The following CCDC14 variants were observed in gnomAD, a reference collection of about 807,000 sequenced individuals.
CCDC14 encodes the protein coiled-coil domain-containing protein 14.
A neutral mutation model predicts 81.4 loss-of-function variants in CCDC14; 71 were observed. That is an observed-to-expected ratio of 0.87 (90% CI 0.72 to 1.06). The LOEUF (loss-of-function observed/expected upper bound fraction) is 1.06, where lower values mean the gene tolerates loss of function less well. CCDC14 is among the 50% of genes least tolerant of loss of function. CCDC14 has a pLI of 0.00. For synonymous variants in CCDC14, 332 were observed against 364.8 expected, an observed-to-expected ratio of 0.91 and a Z score of 1.03; for missense variants, 1,046 against 1,047.3, an observed-to-expected ratio of 1.00 and a Z score of 0.02.
chr3:123,950,128 C>T (rs2036920538), intron 5 of CCDC14, among the ~76,000 whole-genome samples: 1 of 152,152 alleles, frequency 6.6e-6, no homozygotes, highest in East Asian at 1.9e-4. Context: ...GTCCCCTTCC[C>T]AAAGGTTTTT....
chr3:123,888,605 G>C, the CCDC14 span, among the ~76,000 whole-genome samples: 373 of 152,316 alleles, frequency 2.4e-3, 3 homozygotes, highest in African/African-American at 8.4e-3. Flanking sequence ...TTAACAGGAA[G>C]GATGACTAGG....
intron 12 of CCDC14, among the ~76,000 whole-genome samples, chr3:123,917,451 C>G (rs1391603731): frequency 6.6e-6 from 1 of 150,956 alleles, no homozygotes; most frequent in South Asian, 2.1e-4. Flanking sequence ...GCCAAGATCA[C>G]TCCACCGCAC....
intron 9 of CCDC14, among the ~76,000 whole-genome samples, chr3:123,934,324 T>C (rs979843471): frequency 7.3e-5 from 11 of 151,340 alleles, no homozygotes; most frequent in Non-Finnish European, 1.3e-4. Context: ...TAATTTCTCT[T>C]TTTTGTCTCT....
downstream of CCDC14, among the ~76,000 whole-genome samples, chr3:123,893,333 T>C (rs2034015682): frequency 6.6e-6 from 1 of 152,210 alleles, no homozygotes; most frequent in Admixed American, 6.5e-5. Context: ...TCATATAATA[T>C]TTATCCTTTT....
chr3:123,892,218 AC>A, the CCDC14 span, among the ~76,000 whole-genome samples: 1 of 152,084 alleles, frequency 6.6e-6, no homozygotes. Flanking sequence ...CAAAAACTCA[AC>A]TCTTGCCTTC....
At chr3:123,923,239 G>A (rs2035158289) in intron 12 of CCDC14, among the ~76,000 whole-genome samples, 1 of 151,868 alleles carries the variant, frequency 6.6e-6, no homozygotes, top group Admixed American at 6.6e-5. Flanking sequence ...ACTCTTTCAT[G>A]AAAAAACTCT....
Position 123,928,438 on chromosome 3 carries a change from GGAGCTTGCAGT to G in CCDC14, c.1778+2653_1778+2663del, listed in dbSNP as rs554056976. Among the ~76,000 whole-genome samples the G allele has an allele frequency of 3.3e-5, 5 of 151,810 alleles. No individual in the cohort carries two copies. In the South Asian group the frequency reaches 1.0e-3, roughly 32 times the overall value. ...GGAGAATGGCGTGAACACAGGAGGCGGAGCTTGCAGTGAGCCAAGATAGCGCCACTGCACTC... is the reference window on the plus strand; with the variant it reads ...GGAGAATGGCGTGAACACAGGAGGCGGAGCCAAGATAGCGCCACTGCACTC... On this transcript the variant is annotated intron_variant, in intron 12 of 12. Transcript: ENST00000409697.
At chr3:123,913,377 C>T, downstream of CCDC14, 1 of 983,916 alleles carries the variant, frequency 1.0e-6, no homozygotes, top group Non-Finnish European at 1.2e-6. Flanking sequence ...TTTACTTTTG[C>T]ATATGAATAA....
At chr3:123,894,905 G>A (rs1389815890), downstream of CCDC14, among the ~76,000 whole-genome samples, 3 of 152,144 alleles carry the variant, frequency 2.0e-5, no homozygotes, top group East Asian at 3.9e-4. Context: ...GTTAATGGGG[G>A]CTAGATTGTA....
rs1559761172 is a variant in CCDC14, at chr3:123,914,996, C to T, written c.2501G>A (p.Gly834Asp). Residue 834 changes from glycine (G) to aspartate (D), a missense_variant, in exon 13 of 13, where the codon GGC becomes GAC. By Grantham distance (94) the Gly-to-Asp change is moderately conservative (BLOSUM62 -1). Transcript: ENST00000409697. ...KEPEEQTACH[G>D]PSGCLSNSLQ... ...GCTGTTGCTAAGACAACCTGATGGG[C>T]CATGACATGCAGTTTGTTCCTCTGG... 3.7e-6 allele frequency: 6 copies of T among 1,614,004 alleles called. No homozygotes were observed. Among genetic ancestry groups the T allele is most frequent in the Non-Finnish European group, 5.1e-6 (6 of 1,179,872 alleles).
chr3:123,956,062 C>T lies in CCDC14; in HGVS notation c.213G>A (p.Leu71=), dbSNP rs1415267420. The T allele has an allele frequency of 6.5e-7, 1 of 1,544,034 alleles. No homozygotes were observed. The highest frequency in any genetic ancestry group is 2.0e-5 in the Admixed American group (1 of 50,054). Residue 71 remains leucine, a synonymous_variant, in exon 4 of 13, where the codon TTG becomes TTA. Transcript: ENST00000409697. ...DGCASLLRDI[L]RNEDSGSETA... is the part of the protein sequence containing the mutation. The stretch of plus-strand genomic sequence containing the variant: ...AAAAAAAACCTGAATCTTCATTTCT[C>T]AAAATGTCCCTCAGCAAAGAAGCAC...
At chr3:123,934,049 GA>G (rs2035906374) in intron 9 of CCDC14, among the ~76,000 whole-genome samples, 2 of 152,046 alleles carry the variant, frequency 1.3e-5, no homozygotes, top group African/African-American at 4.8e-5. Context: ...GAGGTGGGCG[GA>G]TCACCTGAGG....
chr3:123,951,725 G>A (rs190246713), intron 5 of CCDC14, among the ~76,000 whole-genome samples: 8 of 152,266 alleles, frequency 5.3e-5, no homozygotes, highest in African/African-American at 1.4e-4. Flanking sequence ...TCAAGGCGTG[G>A]TTTTCACAGT....
intron 9 of CCDC14, among the ~76,000 whole-genome samples, chr3:123,934,743 T>C (rs1413442781): frequency 6.6e-6 from 1 of 152,208 alleles, no homozygotes; most frequent in Non-Finnish European, 1.5e-5. Flanking sequence ...TTTCCAGAAT[T>C]ACTTACCTAA....
intron 5 of CCDC14, among the ~76,000 whole-genome samples, chr3:123,903,557 C>T (rs2034227947): frequency 6.6e-6 from 1 of 152,110 alleles, no homozygotes. Flanking sequence ...GGTCATATGG[C>T]AATTGTGTGA....
chr3:123,906,426 A>G (rs2034312533), intron 5 of CCDC14, among the ~76,000 whole-genome samples: 1 of 145,012 alleles, frequency 6.9e-6, no homozygotes, highest in South Asian at 2.1e-4. Context: ...ATAGACAAAG[A>G]AATGAAAAAA....
chr3:123,945,246 ATT>A (rs1011846838), intron 8 of CCDC14, among the ~76,000 whole-genome samples: 1 of 148,162 alleles, frequency 6.7e-6, no homozygotes, highest in African/African-American at 2.5e-5. Flanking sequence ...TACATAAGTG[ATT>A]TTTTTTTTTT....
rs750839743 is a variant in CCDC14, at chr3:123,949,035, A to G, written c.450T>C (p.His150=). The change falls in exon 6 of 13, where the codon CAT becomes CAC. Residue 150 remains histidine (H), a synonymous_variant. Coordinates refer to ENST00000409697, the MANE Select transcript of CCDC14 (RefSeq NM_001366335.1). The part of the protein sequence containing the change: ...DLEQNWSLQD[H]YRMYSPIIYQ... Reference sequence around the variant, plus strand: ...ATATTATGGGTGAATACATTCTATAATGATCTTGCAATGACCAGTTTTGCT... The same window carrying G: ...ATATTATGGGTGAATACATTCTATAGTGATCTTGCAATGACCAGTTTTGCT... The G allele has an allele frequency of 1.2e-6, 2 of 1,613,720 alleles. No homozygotes were observed. Among genetic ancestry groups the G allele is most frequent in the South Asian group, 2.2e-5 (2 of 90,998 alleles).
chr3:123,943,976 T>C (rs2036495484), intron 9 of CCDC14, among the ~76,000 whole-genome samples: 2 of 152,108 alleles, frequency 1.3e-5, no homozygotes. Flanking sequence ...CAAGGGAACT[T>C]CGATTTATAG....
Sources: gnomAD v4.1 joint callset for allele counts (sites outside exome capture counted in the v4.1 genomes callset) on GRCh38, gnomAD v4.1.1 for gene constraint, MANE v1.5 for transcripts, NCBI Gene and HGNC (gene_info 2026-07-23, HGNC 2026-07-21) for gene names.